ZNF565: variants seen among roughly 807,000 people sequenced by gnomAD.
ZNF565 encodes the protein zinc finger protein 565.
A neutral mutation model predicts 39.4 loss-of-function variants in ZNF565; 27 were observed. The observed-to-expected ratio is 0.69, with a 90% CI of 0.51 to 0.95. The LOEUF (loss-of-function observed/expected upper bound fraction) is 0.95, where lower values mean the gene tolerates loss of function less well. Ranked by LOEUF, ZNF565 falls within the 40% of genes least tolerant of loss-of-function variation. The probability of loss-of-function intolerance (pLI) is 0.00; values close to 1 mark genes in which losing one functional copy is unlikely to be tolerated. For synonymous variants in ZNF565, 185 were observed against 216.6 expected (o/e 0.85, Z 1.28); for missense variants, 524 against 621.1 (o/e 0.84, Z 1.66).
In ZNF565 at chr19:36,194,293, A is replaced by G. The variant is rs1005315200; in HGVS notation, c.172T>C (p.Leu58=). The G allele has an allele frequency of 6.2e-7, 1 of 1,612,900 alleles. No individual in the cohort carries two copies. ...ATCCAGGGCTCTTTCCCTTGCTCCAATAAGGAGACGACATCAGGCTTAGAA... is the reference window on the plus strand; with the variant it reads ...ATCCAGGGCTCTTTCCCTTGCTCCAGTAAGGAGACGACATCAGGCTTAGAA... The part of the protein sequence containing the change: ...SISKPDVVSL[L]EQGKEPWMIA... The change falls in exon 4 of 5, where the codon TTG becomes CTG. Residue 58 remains leucine, a synonymous_variant. Transcript: ENST00000304116.
rs77970443 is a variant in ZNF565, at chr19:36,245,732, C to T, written c.-202G>A. ...TGCCTCGAGCTATGACCCACCCTGG[C>T]TCCGTCCACGGTTGTCGGGGTCCCG... On this transcript the variant is annotated 5_prime_UTR_variant, in exon 1 of 5. Transcript: ENST00000355114. This position sits in a 1 kb window ranked among gnomAD's most constrained non-coding sequence, Gnocchi z 4.4. The T allele has an allele frequency of 0.034, 19,539 of 576,264 alleles. 399 individuals are homozygous for T. The highest frequency in any genetic ancestry group is 0.039 in the Non-Finnish European group (12,593 of 323,868). The allele number at this position is 576,264 out of a possible 1,614,324, so 35.7% of individuals were successfully genotyped here.
chr19:36,242,498 G>T (rs2918378), intron 1 of ZNF565, among the ~76,000 whole-genome samples: 55,291 of 151,644 alleles, frequency 0.36, 10,276 homozygotes, highest in South Asian at 0.49. Flanking sequence ...GAGGGCTGAG[G>T]TGGGTGGATC....
intron 1 of ZNF565, among the ~76,000 whole-genome samples, chr19:36,230,312 A>T (rs1218015817): frequency 6.6e-6 from 1 of 152,240 alleles, no homozygotes; most frequent in Non-Finnish European, 1.5e-5. Context: ...ACTATTTCAG[A>T]TGCTAGGGAA....
rs1975114576 is a variant in ZNF565 at position 36,182,332 on chromosome 19, G to A, written c.*134C>T. The A allele has an allele frequency of 3.0e-6, 2 of 673,268 alleles. No individual in the cohort carries two copies. Among genetic ancestry groups the A allele is most frequent in the Admixed American group, 3.6e-5 (1 of 27,718 alleles). 41.7% of individuals were successfully genotyped at this position (673,268 alleles called of 1,614,324 possible). On this transcript the variant is annotated 3_prime_UTR_variant, in exon 5 of 5. Coordinates refer to ENST00000304116, the MANE Select transcript of ZNF565 (RefSeq NM_152477.5). ...TTTATTTAATTTTCTTTGGGTGTGA[G>A]TTTTCTGATGTTCTATGATGGAAGT...
At chr19:36,224,335 T>C (rs917335001) in intron 1 of ZNF565, among the ~76,000 whole-genome samples, 1 of 152,156 alleles carries the variant, frequency 6.6e-6, no homozygotes, top group African/African-American at 2.4e-5. Context: ...TGAGCTGAGA[T>C]TGTGCCACTG....
At chr19:36,219,250 G>A, upstream of ZNF565, among the ~76,000 whole-genome samples, 1 of 152,046 alleles carries the variant, frequency 6.6e-6, no homozygotes, top group Non-Finnish European at 1.5e-5. Flanking sequence ...TCCACCTCCT[G>A]GGCTGAAGAG....
At chr19:36,192,821 TG>T (rs1272979957) in intron 4 of ZNF565, among the ~76,000 whole-genome samples, 1 of 151,206 alleles carries the variant, frequency 6.6e-6, no homozygotes, top group African/African-American at 2.4e-5. Context: ...GTTTTTTTTT[TG>T]GTTTGTTTTT....
chr19:36,215,613 A>T (rs545341660), upstream of ZNF565, among the ~76,000 whole-genome samples: 25 of 152,262 alleles, frequency 1.6e-4, no homozygotes, highest in Non-Finnish European at 2.9e-4. Flanking sequence ...GAGTTTTTAT[A>T]TAAAAGCATT....
chr19:36,182,257 G>T, downstream of ZNF565: 2 of 426,820 alleles, frequency 4.7e-6, no homozygotes, highest in African/African-American at 2.0e-5. Context: ...TTTTAGCATA[G>T]ATTATCTGAT....
chr19:36,218,932 C>A (rs1180654407), upstream of ZNF565, among the ~76,000 whole-genome samples: 3 of 151,688 alleles, frequency 2.0e-5, no homozygotes, highest in African/African-American at 7.3e-5. Flanking sequence ...CCTTAGCCTC[C>A]CAAGTAGCTG....
intron 1 of ZNF565, among the ~76,000 whole-genome samples, chr19:36,232,768 C>T (rs974581455): frequency 2.0e-5 from 3 of 152,004 alleles, no homozygotes; most frequent in Admixed American, 6.6e-5. Context: ...GCCACCACAT[C>T]CAGCTAATTT....
intron 1 of ZNF565, among the ~76,000 whole-genome samples, chr19:36,207,430 C>A (rs1252361296): frequency 1.3e-5 from 2 of 151,938 alleles, no homozygotes; most frequent in Non-Finnish European, 2.9e-5. Context: ...ATCCTATTTA[C>A]TCGGGAGGCT....
At chr19:36,192,851 T>C (rs570586538) in intron 4 of ZNF565, among the ~76,000 whole-genome samples, 130 of 152,024 alleles carry the variant, frequency 8.6e-4, no homozygotes, top group African/African-American at 2.9e-3. Flanking sequence ...ACGTTCACTT[T>C]TGTCGCTCAG....
intron 1 of ZNF565, among the ~76,000 whole-genome samples, chr19:36,208,205 ATTT>A (rs11307687): frequency 8.1e-5 from 11 of 135,990 alleles, no homozygotes; most frequent in Non-Finnish European, 1.4e-4. Context: ...TTACAGGACA[ATTT>A]TTTTTTTTTT....
intron 2 of ZNF565, among the ~76,000 whole-genome samples, chr19:36,195,493 C>T (rs1975723462): frequency 6.6e-6 from 1 of 150,516 alleles, no homozygotes; most frequent in African/African-American, 2.4e-5. Context: ...TCAATAATTT[C>T]CCAGTCAACA....
chr19:36,228,257 C>T (rs1250768248), intron 1 of ZNF565, among the ~76,000 whole-genome samples: 2 of 99,420 alleles, frequency 2.0e-5, no homozygotes, highest in Non-Finnish European at 4.2e-5. Context: ...TTCTTGAGTA[C>T]TGTCAGAACA....
intron 1 of ZNF565, among the ~76,000 whole-genome samples, chr19:36,221,745 T>G (rs561935238): frequency 6.6e-6 from 1 of 152,180 alleles, no homozygotes. Context: ...TGTTTTTTTT[T>G]GTTTGCTTCT....
At chr19:36,210,321 G>A (rs1350735247) in intron 1 of ZNF565, among the ~76,000 whole-genome samples, 2 of 150,902 alleles carry the variant, frequency 1.3e-5, no homozygotes, top group Non-Finnish European at 2.9e-5. Context: ...CTACTCGGGA[G>A]GCTGAGGCAG....
chr19:36,210,399 G>A (rs553602911), intron 1 of ZNF565, among the ~76,000 whole-genome samples: 4 of 136,928 alleles, frequency 2.9e-5, no homozygotes, highest in Non-Finnish European at 4.6e-5. Context: ...ACTCCAGCCT[G>A]GGCAAGTAAA....
Sources: gnomAD v4.1 joint callset for allele counts (sites outside exome capture counted in the v4.1 genomes callset) on GRCh38, gnomAD v4.1.1 for gene constraint, Gnocchi (gnomAD v3.1) non-coding constraint, MANE v1.5 for transcripts, NCBI Gene and HGNC (gene_info 2026-07-23, HGNC 2026-07-21) for gene names.